The following AMOT variants were observed in gnomAD, a reference collection of about 807,000 sequenced individuals.
AMOT encodes the protein angiomotin.
Under a neutral mutation model 67.0 loss-of-function variants are expected in AMOT, and 11 were observed. The ratio of observed to expected loss-of-function variants is 0.16; its 90% CI spans 0.10 to 0.27. The LOEUF is 0.27. Ranked by LOEUF, AMOT falls within the 10% of genes least tolerant of loss-of-function variation. The pLI, the probability that AMOT is intolerant of heterozygous loss-of-function variation, is 1.00. For missense variants in AMOT, 753 were observed against 852.0 expected (o/e 0.88, Z 1.45); for synonymous variants, 326 against 321.4 (o/e 1.01, Z -0.15).
intron 2 of AMOT, among the ~76,000 whole-genome samples, chrX:112,829,720 G>A (rs1327422444): frequency 8.9e-6 from 1 of 111,974 alleles, no homozygotes; most frequent in Non-Finnish European, 1.9e-5. Flanking sequence ...TCAAGGTCTT[G>A]GTCGTTTTTG....
chrX:112,804,248 A>G (rs1934099838), intron 8 of AMOT, among the ~76,000 whole-genome samples: 1 of 111,672 alleles, frequency 9.0e-6, no homozygotes, highest in African/African-American at 3.3e-5. Flanking sequence ...ACTATTTTCT[A>G]GAAGTAGCCA....
chrX:112,837,555 C>T (rs1254259704), intron 1 of AMOT, among the ~76,000 whole-genome samples: 4 of 109,357 alleles, frequency 3.7e-5, no homozygotes, highest in Admixed American at 9.9e-5. Context: ...GTGGAAGGGG[C>T]GACTTCCCTC....
At chrX:112,831,131 C>CT (rs2071515587) in intron 2 of AMOT, among the ~76,000 whole-genome samples, 1 of 109,654 alleles carries the variant, frequency 9.1e-6, no homozygotes, top group African/African-American at 3.3e-5. Flanking sequence ...GATTTGCAGA[C>CT]CTGACCATAA....
Position 112,779,248 on chromosome X carries a change from ACAGCAG to A in AMOT, c.2900_2905del (p.Ala967_Ala968del), listed in dbSNP as rs749110842. On this transcript the variant is annotated inframe_deletion, in exon 13 of 14. Transcript: ENST00000371959. ...AGCCGGAGCAGCTGGAGCAACCTGA[ACAGCAG>A]CAGCAGCAGCAGCAGAAGGAGCAAC... is the stretch of plus-strand genomic sequence containing the variant. 1.1e-5 allele frequency: 7 copies of A among 650,167 alleles called. No homozygotes were observed. The highest frequency in any genetic ancestry group is 1.5e-5 in the Non-Finnish European group (6 of 390,824). 53.6% of individuals were successfully genotyped at this position (650,167 alleles called of 1,213,427 possible).
chrX:112,827,161 C>T (rs1168746298), intron 2 of AMOT, among the ~76,000 whole-genome samples: 1 of 112,716 alleles, frequency 8.9e-6, no homozygotes, highest in East Asian at 2.8e-4. Flanking sequence ...TAGGCCCCTC[C>T]ATATCCTTTT....
chrX:112,831,094 A>G (rs1282614186), intron 2 of AMOT, among the ~76,000 whole-genome samples: 2 of 110,008 alleles, frequency 1.8e-5, no homozygotes, highest in Non-Finnish European at 3.8e-5. Context: ...CCTGTCTTAA[A>G]TGGTCAATGT....
At chrX:112,810,350 G>A (rs1934319534) in intron 6 of AMOT, among the ~76,000 whole-genome samples, 1 of 111,737 alleles carries the variant, frequency 8.9e-6, no homozygotes, top group South Asian at 3.8e-4. Context: ...AAGTTGAAAG[G>A]GACAACTAGC....
Position 112,779,447 on chromosome X carries a change from T to C in AMOT, c.2707A>G (p.Ile903Val). Residue 903 changes from isoleucine to valine, a missense_variant, in exon 13 of 14, where the codon ATC becomes GTC. Coordinates refer to ENST00000371959, the MANE Select transcript of AMOT (RefSeq NM_001113490.2). ...AAAITATAAT[I>V]TTTMVAAAPV... ...GCAGCAGCTACCATGGTGGTGGTGA[T>C]GGTGGCAGCAGTGGCAGTGATGGCG... 8.4e-7 allele frequency: 1 copy of C among 1,192,941 alleles called. No individual in the cohort carries two copies. The highest frequency in any genetic ancestry group is 1.8e-5 in the South Asian group (1 of 55,291).
chrX:112,789,775 C>T lies in AMOT; in HGVS notation c.2117+817G>A, dbSNP rs189673723. On this transcript the variant is annotated intron_variant, in intron 10 of 13. Transcript: ENST00000371959. ...AATATACTGTAGCCTGCCTTTCATA[C>T]CCAATTCCAGACCAAGGCTCTGTTA... 3.5e-3 allele frequency among the ~76,000 whole-genome samples: 386 copies of T among 109,880 alleles called. 4 individuals are homozygous for T. The highest frequency in any genetic ancestry group is 3.5e-3 in the Non-Finnish European group (183 of 52,778).
At chrX:112,826,341 C>G (rs1342278604) in intron 2 of AMOT, among the ~76,000 whole-genome samples, 1 of 112,591 alleles carries the variant, frequency 8.9e-6, no homozygotes, top group African/African-American at 3.2e-5. Context: ...TTTTTAAAAA[C>G]TCCACAAAAC....
At position 112,776,333 on chromosome X, in the gene AMOT, A is replaced by G. The variant is rs1932938615; in HGVS notation, c.*2234T>C. 1 of 112,532 alleles carries G rather than the reference A, an allele frequency of 8.9e-6. No homozygotes were observed. Among genetic ancestry groups the G allele is most frequent in the Non-Finnish European group, 1.9e-5 (1 of 53,331 alleles). 9.3% of individuals were successfully genotyped at this position (112,532 alleles called of 1,213,427 possible). A position where few individuals can be genotyped will look rare whatever the true frequency, so the allele number is the denominator to read the frequency against. Reference sequence around the variant, plus strand: ...AAAGTGTTTTTTAAATTATTTGGATAGAAAGTAGCTCTCCTGAAGTTTGCT... The same window carrying G: ...AAAGTGTTTTTTAAATTATTTGGATGGAAAGTAGCTCTCCTGAAGTTTGCT... On this transcript the variant is annotated 3_prime_UTR_variant, in exon 14 of 14. Coordinates refer to ENST00000371959, the MANE Select transcript of AMOT (RefSeq NM_001113490.2).
chrX:112,807,432 A>G (rs759573734), intron 7 of AMOT, among the ~76,000 whole-genome samples: 9 of 111,253 alleles, frequency 8.1e-5, no homozygotes, highest in Non-Finnish European at 1.7e-4. Context: ...GGTAAAATAT[A>G]CAGTTTGAAA....
chrX:112,816,819 G>C (rs1192286002), intron 4 of AMOT, among the ~76,000 whole-genome samples: 1 of 111,966 alleles, frequency 8.9e-6, no homozygotes, highest in Non-Finnish European at 1.9e-5. Flanking sequence ...GAAAGTTCCA[G>C]AAAGAGACCT....
rs1932990474 is a variant in AMOT at position 112,778,351 on chromosome X, G to A, written c.*216C>T. The A allele has an allele frequency of 3.3e-6, 1 of 305,740 alleles. No homozygotes were observed. The highest frequency in any genetic ancestry group is 5.8e-6 in the Non-Finnish European group (1 of 172,472). 25.2% of individuals were successfully genotyped at this position (305,740 alleles called of 1,213,427 possible). On this transcript the variant is annotated 3_prime_UTR_variant, in exon 14 of 14. Transcript: ENST00000371959. ...AACAATAAGCTTTAGAGCACATTCT[G>A]ATTAATCTGTCTTTAGAGGTACTCC...
intron 10 of AMOT, among the ~76,000 whole-genome samples, chrX:112,788,114 CCT>C (rs1265874953): frequency 1.8e-5 from 2 of 109,614 alleles, no homozygotes; most frequent in Non-Finnish European, 1.9e-5. Flanking sequence ...ACAATGAAAC[CCT>C]GTCTCTACTA....
At chrX:112,784,725 T>C (rs1158639779) in intron 10 of AMOT, among the ~76,000 whole-genome samples, 1 of 112,415 alleles carries the variant, frequency 8.9e-6, no homozygotes, top group African/African-American at 3.2e-5. Context: ...GAATTCCAGC[T>C]CTTGGTAAAA....
intron 10 of AMOT, among the ~76,000 whole-genome samples, chrX:112,787,961 A>G (rs1343003956): frequency 9.0e-6 from 1 of 111,180 alleles, no homozygotes; most frequent in Non-Finnish European, 1.9e-5. Flanking sequence ...ACACTTGAGC[A>G]CTTTCCAATT....
At chrX:112,806,216 G>A (rs1371774600) in intron 7 of AMOT, among the ~76,000 whole-genome samples, 1 of 108,304 alleles carries the variant, frequency 9.2e-6, no homozygotes, top group African/African-American at 3.4e-5. Context: ...GCAGTAAGCC[G>A]AGATAGCACC....
At chrX:112,824,505 G>C (rs991877408) in intron 3 of AMOT, among the ~76,000 whole-genome samples, 2 of 111,570 alleles carry the variant, frequency 1.8e-5, no homozygotes, top group Admixed American at 1.9e-4. Flanking sequence ...GTCATGCAGA[G>C]AGAGAGTGAC....
Sources: allele counts gnomAD v4.1 joint callset (sites outside exome capture counted in the v4.1 genomes callset), GRCh38; gene constraint gnomAD v4.1.1; transcripts MANE v1.5; gene names NCBI Gene and HGNC (gene_info 2026-07-23, HGNC 2026-07-21).